The following ITGB7 variants were observed in gnomAD, a reference collection of about 807,000 sequenced individuals.
The protein encoded by ITGB7 is integrin subunit beta 7.
In ITGB7, 55 loss-of-function variants were observed where a neutral mutation model predicts 83.4. The ratio of observed to expected loss-of-function variants is 0.66; its 90% CI spans 0.53 to 0.83. The LOEUF is 0.83. Among genes scored for constraint, ITGB7 ranks in the 40% least tolerant of loss-of-function variants. The pLI is 0.00. For synonymous variants in ITGB7, 454 were observed against 423.6 expected (o/e 1.07, Z -0.88); for missense variants, 921 against 1,046.7 (o/e 0.88, Z 1.66).
At chr12:53,200,655 G>C (rs760349427) in intron 2 of ITGB7, among the ~76,000 whole-genome samples, 2 of 152,226 alleles carry the variant, frequency 1.3e-5, no homozygotes, top group Non-Finnish European at 2.9e-5. Context: ...GCCTCCGGAC[G>C]TGGTGGCTCA....
chr12:53,193,764 C>T lies in ITGB7; in HGVS notation c.1446G>A (p.Gln482=). Reference sequence around the variant, plus strand: ...CATCACTGCAGTGGGGAGCCTGGGGCTGGGTGTCACTGCAATTACAGTCAC... The same window carrying T: ...CATCACTGCAGTGGGGAGCCTGGGGTTGGGTGTCACTGCAATTACAGTCAC... ...TLCDCNCSDT[Q]PQAPHCSDGQ... is the part of the protein sequence containing the mutation. The change falls in exon 11 of 16, where the codon CAG becomes CAA. Residue 482 remains glutamine, a synonymous_variant. Transcript: ENST00000267082. The T allele has an allele frequency of 6.2e-7, 1 of 1,614,004 alleles. No homozygotes were observed. The highest frequency in any genetic ancestry group is 1.1e-5 in the South Asian group (1 of 91,076).
intron 9 of ITGB7, 124 bp from the exon 10 acceptor site, chr12:53,194,468 C>T: frequency 1.1e-6 from 1 of 916,346 alleles, no homozygotes; most frequent in South Asian, 1.6e-5. Context: ...GGGGCTCCTT[C>T]CATTCTGCCC....
chr12:53,196,554 T>C (rs376773723), intron 6 of ITGB7, 25 bp downstream of exon 6: 186 of 1,592,762 alleles, frequency 1.2e-4, no homozygotes, highest in Non-Finnish European at 1.6e-4. Flanking sequence ...ACCTCCAGGC[T>C]CAGATCCCCG....
chr12:53,193,254 T>G lies in ITGB7; in HGVS notation c.1612A>C (p.Ser538Arg). The G allele has an allele frequency of 1.2e-6, 2 of 1,614,114 alleles. No individual in the cohort carries two copies. The highest frequency in any genetic ancestry group is 1.7e-6 in the Non-Finnish European group (2 of 1,179,982). ...RAPNGTGPLC[S>R]GKGHCQCGRC... is the part of the protein sequence containing the mutation. Reference sequence around the variant, plus strand: ...CCACATTGACAGTGACCCTTTCCACTGCACAGGGGCCCTGTGCCATTGGGA... The same window carrying G: ...CCACATTGACAGTGACCCTTTCCACGGCACAGGGGCCCTGTGCCATTGGGA... The change falls in exon 12 of 16, where the codon AGT (serine) becomes CGT (arginine). Residue 538 changes from serine (S) to arginine (R), a missense_variant. Physicochemically the swap from Ser to Arg is moderately radical, Grantham distance 110. Coordinates refer to ENST00000267082, the MANE Select transcript of ITGB7 (RefSeq NM_000889.3).
At chr12:53,198,042 A>G in intron 3 of ITGB7, 91 bp from the exon 4 acceptor site, 1 of 993,224 alleles carries the variant, frequency 1.0e-6, no homozygotes, top group Non-Finnish European at 1.5e-6. Context: ...GGCCACCTCT[A>G]ATGCCCCCAC....
intron 1 of ITGB7, among the ~76,000 whole-genome samples, chr12:53,204,833 C>G (rs34949959): frequency 7.8e-5 from 10 of 128,992 alleles, no homozygotes; most frequent in Non-Finnish European, 1.3e-4. Context: ...TTTTCTTTAC[C>G]TTTTTTTTTT....
chr12:53,195,502 CT>C (rs1252537508), intron 8 of ITGB7, 39 bp from the exon 9 acceptor site: 1 of 1,575,540 alleles, frequency 6.3e-7, no homozygotes, highest in South Asian at 1.1e-5. Context: ...TGGGTCACAG[CT>C]CTAGGAAAAT....
At chr12:53,198,068 T>C in intron 3 of ITGB7, 117 bp from the exon 4 acceptor site, 1 of 685,762 alleles carries the variant, frequency 1.5e-6, no homozygotes. Context: ...GTCCACTCCT[T>C]GAGTCCCTGA....
intron 7 of ITGB7, 100 bp downstream of exon 7, chr12:53,195,941 G>C: frequency 7.3e-7 from 1 of 1,369,372 alleles, no homozygotes; most frequent in Non-Finnish European, 1.0e-6. Flanking sequence ...GGTGTCTACA[G>C]GGTGGTTACT....
At position 53,195,361 on chromosome 12, in the gene ITGB7, C is replaced by T. The variant is rs752023216; in HGVS notation, c.1161+13G>A. The stretch of plus-strand genomic sequence containing the variant: ...GCCCACCCTCACCATCTCCCCTTCC[C>T]CTGGCCCCTCACATTATAAGCATCC... On this transcript the variant is annotated intron_variant, in intron 9 of 15. Coordinates refer to ENST00000267082, the MANE Select transcript of ITGB7 (RefSeq NM_000889.3). 5.6e-6 allele frequency: 9 copies of T among 1,599,538 alleles called. No individual in the cohort carries two copies. The highest frequency in any genetic ancestry group is 6.9e-6 in the Non-Finnish European group (8 of 1,167,326).
In ITGB7 at chr12:53,196,678, T is replaced by G; in HGVS notation, c.717A>C (p.Ala239=). 2 of 1,611,906 alleles carry G rather than the reference T, an allele frequency of 1.2e-6. No homozygotes were observed. Among genetic ancestry groups the G allele is most frequent in the Non-Finnish European group, 1.7e-6 (2 of 1,178,958 alleles). ...GCCCCACCTCCCGCTCGAAGGCTTG[T>G]GCGTCCCCCGTCAGGGACAGCACAT... ...FHHVLSLTGD[A]QAFEREVGRQ... Residue 239 remains alanine (A), a synonymous_variant, in exon 6 of 16, where the codon GCA becomes GCC. Transcript: ENST00000267082.
chr12:53,200,349 G>A lies in ITGB7; in HGVS notation c.95C>T (p.Thr32Ile). The change falls in exon 3 of 16, where the codon ACA (threonine) becomes ATA (isoleucine). Residue 32 changes from threonine (T) to isoleucine (I), a missense_variant. Transcript: ENST00000267082. Reference protein sequence around the residue: ...DAKIPSTGDATEWRNPHLSML... With the variant: ...DAKIPSTGDAIEWRNPHLSML... Reference sequence around the variant, plus strand: ...GGACAGGTGAGGATTCCGCCATTCTGTGGCATCCCCTGTGGATGGGATCTT... The same window carrying A: ...GGACAGGTGAGGATTCCGCCATTCTATGGCATCCCCTGTGGATGGGATCTT... 3.1e-6 allele frequency: 5 copies of A among 1,614,188 alleles called. No homozygotes were observed. The highest frequency in any genetic ancestry group is 2.7e-5 in the African/African-American group (2 of 75,050).
intron 1 of ITGB7, chr12:53,206,707 T>G (rs143475211): frequency 6.6e-6 from 1 of 152,298 alleles, no homozygotes; most frequent in Non-Finnish European, 1.5e-5. Context: ...TGCTGCCCAC[T>G]GGGAGTCACA....
chr12:53,193,966 AATC>A (rs1942065771), intron 10 of ITGB7, 65 bp from the exon 11 acceptor site: 3 of 1,459,246 alleles, frequency 2.1e-6, no homozygotes, highest in Non-Finnish European at 9.4e-7. Context: ...CAAACTCACC[AATC>A]ATCCAGAACC....
intron 1 of ITGB7, among the ~76,000 whole-genome samples, chr12:53,203,553 C>G (rs1942364825): frequency 6.9e-6 from 1 of 145,056 alleles, no homozygotes; most frequent in Non-Finnish European, 1.5e-5. Flanking sequence ...GAAACTGAGG[C>G]ACAAGAATCG....
chr12:53,203,647 C>CA (rs1158624130), intron 1 of ITGB7, among the ~76,000 whole-genome samples: 10,717 of 50,838 alleles, frequency 0.21, 1,439 homozygotes, highest in East Asian at 0.36. Flanking sequence ...GACCCTGTCT[C>CA]AAAAAAAAAA....
Position 53,191,899 on chromosome 12 carries a change from C to T in ITGB7, c.2276G>A (p.Ser759Asn). Residue 759 changes from serine to asparagine, a missense_variant, in exon 15 of 16, where the codon AGT becomes AAT. By Grantham distance (46) the Ser-to-Asn change is conservative. Transcript: ENST00000267082. ...TTGTTGCTGCTCCTTCTCAAAGCGA[C>T]TGTATTCCCGGCGGTCATAGATTTC... The part of the protein sequence containing the change: ...SVEIYDRREY[S>N]RFEKEQQQLN... The T allele has an allele frequency of 6.2e-7, 1 of 1,612,912 alleles. No individual in the cohort carries two copies. The highest frequency in any genetic ancestry group is 8.5e-7 in the Non-Finnish European group (1 of 1,180,014).
At chr12:53,196,866 G>T (rs1469907856) in intron 5 of ITGB7, 46 bp from the exon 6 acceptor site, 1 of 1,562,602 alleles carries the variant, frequency 6.4e-7, no homozygotes, top group Non-Finnish European at 8.7e-7. Flanking sequence ...TCGCAGGGCA[G>T]CAACAGAGGA....
intron 1 of ITGB7, chr12:53,206,863 G>C (rs1235075800): frequency 6.6e-6 from 1 of 152,252 alleles, no homozygotes; most frequent in African/African-American, 2.4e-5. Context: ...CCCTCCCTCA[G>C]TATAATCGGT....
Sources: gnomAD v4.1 joint callset for allele counts (sites outside exome capture counted in the v4.1 genomes callset) on GRCh38, gnomAD v4.1.1 for gene constraint, MANE v1.5 for transcripts, NCBI Gene and HGNC (gene_info 2026-07-23, HGNC 2026-07-21) for gene names.